The following GCNT2 variants were observed in gnomAD, a reference collection of about 807,000 sequenced individuals.
GCNT2 encodes N-acetyllactosaminide beta-1,6-N-acetylglucosaminyl-transferase.
GCNT2 carries 34 observed loss-of-function variants against 34.2 expected under a neutral mutation model. The observed-to-expected ratio is 1.00, with a 90% CI of 0.76 to 1.32. GCNT2 has a LOEUF of 1.32. Ranked by LOEUF, GCNT2 falls within the 40% of genes most tolerant of loss-of-function variation. GCNT2 has a pLI of 0.00. For synonymous variants in GCNT2, 212 were observed against 188.0 expected (o/e 1.13, Z -1.04); for missense variants, 584 against 489.4 (o/e 1.19, Z -1.82).
chr6:10,590,801 C>T (rs899473680), intron 3 of GCNT2, among the ~76,000 whole-genome samples: 6 of 152,174 alleles, frequency 3.9e-5, no homozygotes, highest in Non-Finnish European at 8.8e-5. Flanking sequence ...ATCTGCCCGC[C>T]TCGGCCTCCC....
chr6:10,622,745 T>C (rs1766090778), intron 4 of GCNT2, among the ~76,000 whole-genome samples: 1 of 88,600 alleles, frequency 1.1e-5, no homozygotes, highest in Non-Finnish European at 2.0e-5. Context: ...AGTCCATCTT[T>C]TTTTTTTTTT....
chr6:10,616,391 A>C (rs1013139581), intron 3 of GCNT2, among the ~76,000 whole-genome samples: 5 of 152,206 alleles, frequency 3.3e-5, no homozygotes, highest in African/African-American at 1.2e-4. Context: ...CAACCTAAAC[A>C]GGGTACCGCT....
At chr6:10,568,321 C>G (rs1763376922) in intron 3 of GCNT2, among the ~76,000 whole-genome samples, 1 of 152,166 alleles carries the variant, frequency 6.6e-6, no homozygotes, top group Non-Finnish European at 1.5e-5. Context: ...TATGGCCATC[C>G]TTCAAGTCAG....
chr6:10,580,053 A>C (rs1764003415), intron 3 of GCNT2, among the ~76,000 whole-genome samples: 1 of 152,152 alleles, frequency 6.6e-6, no homozygotes, highest in African/African-American at 2.4e-5. Flanking sequence ...GTCTAAACTA[A>C]GATTTAACAG....
intron 3 of GCNT2, chr6:10,557,181 C>T (rs766359774): frequency 4.5e-6 from 7 of 1,552,800 alleles, no homozygotes; most frequent in African/African-American, 1.4e-5. Context: ...CCGCCTCCCC[C>T]CCATAATCTC....
chr6:10,595,301 C>T (rs1764806900), intron 3 of GCNT2, among the ~76,000 whole-genome samples: 2 of 150,066 alleles, frequency 1.3e-5, no homozygotes, highest in African/African-American at 2.5e-5. Context: ...TTTTTTGAGA[C>T]GGAGTCTTGC....
chr6:10,618,795 T>C (rs1023388002), intron 3 of GCNT2, among the ~76,000 whole-genome samples: 4 of 152,146 alleles, frequency 2.6e-5, no homozygotes, highest in Admixed American at 6.5e-5. Flanking sequence ...AGTATTAAAA[T>C]GCAAGTTAAA....
intron 3 of GCNT2, among the ~76,000 whole-genome samples, chr6:10,611,576 G>T (rs572511800): frequency 6.6e-6 from 1 of 151,902 alleles, no homozygotes. Flanking sequence ...TGGTCTGCCC[G>T]CCTCGGCCTC....
intron 3 of GCNT2, among the ~76,000 whole-genome samples, chr6:10,571,408 A>G (rs1341665476): frequency 6.6e-6 from 1 of 152,020 alleles, no homozygotes; most frequent in African/African-American, 2.4e-5. Flanking sequence ...ATGGAGTGCA[A>G]TGGTGCAATC....
At chr6:10,588,666 G>A (rs957314550) in intron 3 of GCNT2, among the ~76,000 whole-genome samples, 1 of 152,182 alleles carries the variant, frequency 6.6e-6, no homozygotes, top group Non-Finnish European at 1.5e-5. Context: ...GCTGTGGAAG[G>A]AAGTTTCACC....
intron 3 of GCNT2, among the ~76,000 whole-genome samples, chr6:10,592,338 G>A (rs1246989391): frequency 6.6e-6 from 1 of 152,200 alleles, no homozygotes; most frequent in Non-Finnish European, 1.5e-5. Flanking sequence ...TTGCGTTAGT[G>A]ATGTGGACCA....
At chr6:10,552,270 T>C (rs1184374675) in intron 3 of GCNT2, among the ~76,000 whole-genome samples, 1 of 151,770 alleles carries the variant, frequency 6.6e-6, no homozygotes, top group African/African-American at 2.4e-5. Flanking sequence ...GTCTTCTTCC[T>C]TCATGTTAGT....
intron 3 of GCNT2, among the ~76,000 whole-genome samples, chr6:10,594,603 G>A (rs1219484844): frequency 6.6e-6 from 1 of 152,100 alleles, no homozygotes; most frequent in African/African-American, 2.4e-5. Flanking sequence ...TAAAAATGGG[G>A]TAAAATGACA....
chr6:10,578,465 TTG>T (rs1554132979), intron 3 of GCNT2, among the ~76,000 whole-genome samples: 1 of 147,316 alleles, frequency 6.8e-6, no homozygotes, highest in African/African-American at 2.5e-5. Context: ...TTTTTTTTTT[TTG>T]AGACGGAGTC....
intron 3 of GCNT2, among the ~76,000 whole-genome samples, chr6:10,544,187 G>A (rs568234613): frequency 2.0e-5 from 3 of 152,196 alleles, no homozygotes; most frequent in South Asian, 4.1e-4. Flanking sequence ...GGTGGTGTGC[G>A]CCTGTAATCC....
At chr6:10,564,911 ATAG>A (rs748344111) in intron 3 of GCNT2, among the ~76,000 whole-genome samples, 2 of 151,368 alleles carry the variant, frequency 1.3e-5, no homozygotes, top group African/African-American at 2.5e-5. Flanking sequence ...CAGCCAATAA[ATAG>A]TAGAGAGAGA....
chr6:10,604,779 GTC>G lies in GCNT2; in HGVS notation c.926-16570_926-16569del, dbSNP rs971473149. 2.0e-5 allele frequency among the ~76,000 whole-genome samples: 3 copies of G among 151,716 alleles called. No individual in the cohort carries two copies. The East Asian group carries it at 5.8e-4, about 29-fold the overall frequency. ...GGGAGGCTGAGGTGGGATCACTTGA[GTC>G]TGGGGAGGTTGAGGCTGTGGTGACC... On this transcript the variant is annotated intron_variant, in intron 3 of 4. Coordinates refer to ENST00000495262, the MANE Select transcript of GCNT2 (RefSeq NM_145649.5).
At chr6:10,544,340 C>CA (rs1347023710) in intron 3 of GCNT2, among the ~76,000 whole-genome samples, 4 of 150,048 alleles carry the variant, frequency 2.7e-5, no homozygotes, top group African/African-American at 7.4e-5. Context: ...CACGGTGGCT[C>CA]ACGCCTGTAA....
intron 3 of GCNT2, among the ~76,000 whole-genome samples, chr6:10,548,855 G>A (rs1422521903): frequency 2.0e-5 from 3 of 152,072 alleles, no homozygotes; most frequent in African/African-American, 7.2e-5. Context: ...CACCTCCTGG[G>A]TTCAAGCAGT....
Sources: allele counts gnomAD v4.1 joint callset (sites outside exome capture counted in the v4.1 genomes callset), GRCh38; gene constraint gnomAD v4.1.1; transcripts MANE v1.5; gene names NCBI Gene and HGNC (gene_info 2026-07-23, HGNC 2026-07-21).